The following RCHY1 variants were observed in gnomAD, a reference collection of about 807,000 sequenced individuals.
The protein encoded by RCHY1 is ring finger and CHY zinc finger domain containing 1.
A neutral mutation model predicts 41.6 loss-of-function variants in RCHY1; 21 were observed. The ratio of observed to expected loss-of-function variants is 0.51; its 90% CI spans 0.36 to 0.73. The LOEUF is 0.73. Among genes scored for constraint, RCHY1 ranks in the 30% least tolerant of loss-of-function variants. The pLI, the probability that RCHY1 is intolerant of heterozygous loss-of-function variation, is 0.00. For missense variants in RCHY1, 265 were observed against 325.3 expected (o/e 0.81, Z 1.43); for synonymous variants, 79 against 102.9 (o/e 0.77, Z 1.41).
At chr4:75,482,773 C>T (rs2148704262) in intron 8 of RCHY1, 107 bp from the exon 9 acceptor site, 4 of 713,942 alleles carry the variant, frequency 5.6e-6, no homozygotes, top group Non-Finnish European at 7.8e-6. Context: ...AAAATACATA[C>T]ATAAGTCTAA....
intron 3 of RCHY1, among the ~76,000 whole-genome samples, chr4:75,495,488 T>C (rs956170268): frequency 1.3e-5 from 2 of 152,030 alleles, no homozygotes; most frequent in African/African-American, 2.4e-5. Context: ...CCAACATACC[T>C]GGACGTTGGG....
chr4:75,504,802 A>T (rs1005411939), intron 3 of RCHY1, among the ~76,000 whole-genome samples: 1 of 152,214 alleles, frequency 6.6e-6, no homozygotes, highest in South Asian at 2.1e-4. Flanking sequence ...CAGTGAAGTT[A>T]ATTTTCACTA....
At position 75,490,681 on chromosome 4, in the gene RCHY1, C is replaced by T. The variant is rs779544795; in HGVS notation, c.557G>A (p.Cys186Tyr). The change falls in exon 8 of 9, where the codon TGT (cysteine) becomes TAT (tyrosine). Residue 186 changes from cysteine (C) to tyrosine (Y), a missense_variant. Cys to Tyr is a radical substitution (Grantham distance 194, BLOSUM62 -2). Transcript: ENST00000324439. The stretch of plus-strand genomic sequence containing the variant: ...GGTCATATCTAAAGCAGAGTGCATA[C>T]ATAATGGACATCTGTAGCCTCTGAA... ...MLKEGYRCPL[C>Y]MHSALDMTRY... 2.5e-6 allele frequency: 4 copies of T among 1,607,910 alleles called. No individual in the cohort carries two copies. In the African/African-American group the frequency reaches 4.0e-5, roughly 16 times the overall value.
At chr4:75,498,137 A>G (rs1723396496) in intron 3 of RCHY1, among the ~76,000 whole-genome samples, 1 of 151,278 alleles carries the variant, frequency 6.6e-6, no homozygotes, top group African/African-American at 2.4e-5. Context: ...AAAAAACCAG[A>G]AACAAAAGAG....
intron 3 of RCHY1, among the ~76,000 whole-genome samples, chr4:75,494,725 A>T (rs1162107618): frequency 6.6e-6 from 1 of 151,884 alleles, no homozygotes; most frequent in Non-Finnish European, 1.5e-5. Context: ...AAGTGAAACT[A>T]CTGAGTCAGA....
At chr4:75,488,452 G>T (rs1722451071) in intron 8 of RCHY1, among the ~76,000 whole-genome samples, 1 of 152,062 alleles carries the variant, frequency 6.6e-6, no homozygotes, top group Non-Finnish European at 1.5e-5. Flanking sequence ...ACAACTTTAG[G>T]ACTTGGACTG....
chr4:75,486,470 AAAT>A (rs1722014145), intron 8 of RCHY1, among the ~76,000 whole-genome samples: 1 of 151,910 alleles, frequency 6.6e-6, no homozygotes. Flanking sequence ...ATATCTTAAT[AAAT>A]AATAATTTAA....
upstream of RCHY1, chr4:75,514,546 T>A (rs1725373353): frequency 2.6e-6 from 1 of 380,982 alleles, no homozygotes; most frequent in South Asian, 7.7e-5. Flanking sequence ...TTGCCTGTTT[T>A]CCCCCAATCG....
rs572828703 is a variant in RCHY1, at chr4:75,504,584, G to A, written c.326+4236C>T. On this transcript the variant is annotated intron_variant, in intron 3 of 8. Coordinates refer to ENST00000324439, the MANE Select transcript of RCHY1 (RefSeq NM_015436.4). Reference sequence around the variant, plus strand: ...TTGATAAGACTTCCAGTCAGTAGCAGGCTATTAGTAGTTAAGTTGTGGGGA... The same window carrying A: ...TTGATAAGACTTCCAGTCAGTAGCAAGCTATTAGTAGTTAAGTTGTGGGGA... Among the ~76,000 whole-genome samples the A allele has an allele frequency of 1.2e-4, 19 of 152,276 alleles. No homozygotes were observed. The East Asian group carries it at 2.7e-3, about 22-fold the overall frequency.
At chr4:75,507,417 A>C (rs1006567890) in intron 3 of RCHY1, among the ~76,000 whole-genome samples, 1 of 152,048 alleles carries the variant, frequency 6.6e-6, no homozygotes, top group Non-Finnish European at 1.5e-5. Context: ...GATTAATCCA[A>C]AGAAGACAAG....
chr4:75,494,688 G>A (rs982410485), intron 3 of RCHY1, among the ~76,000 whole-genome samples: 3 of 151,736 alleles, frequency 2.0e-5, no homozygotes, highest in African/African-American at 7.3e-5. Context: ...TAGTTCACAT[G>A]TTGATTATTT....
At chr4:75,493,456 T>C (rs1303465808) in intron 4 of RCHY1, among the ~76,000 whole-genome samples, 1 of 151,924 alleles carries the variant, frequency 6.6e-6, no homozygotes, top group Non-Finnish European at 1.5e-5. Flanking sequence ...AATTAATGTC[T>C]ATCTGTCTCT....
At chr4:75,514,061 A>G in intron 1 of RCHY1, 136 bp downstream of exon 1, 1 of 1,384,788 alleles carries the variant, frequency 7.2e-7, no homozygotes, top group Non-Finnish European at 9.7e-7. Context: ...CTCAAGAAGA[A>G]CCCAGTTCCA....
intron 1 of RCHY1, among the ~76,000 whole-genome samples, chr4:75,510,928 A>C (rs1412437111): frequency 6.6e-6 from 1 of 152,188 alleles, no homozygotes; most frequent in Non-Finnish European, 1.5e-5. Context: ...GGCCTCACAC[A>C]AATATGTACA....
At chr4:75,483,212 C>G (rs1397520567) in intron 8 of RCHY1, among the ~76,000 whole-genome samples, 3 of 152,006 alleles carry the variant, frequency 2.0e-5, no homozygotes, top group Non-Finnish European at 4.4e-5. Flanking sequence ...CAATAAGATG[C>G]CGTTTAAGAA....
At chr4:75,483,742 C>T (rs184606030) in intron 8 of RCHY1, among the ~76,000 whole-genome samples, 123 of 152,166 alleles carry the variant, frequency 8.1e-4, no homozygotes, top group African/African-American at 2.8e-3. Flanking sequence ...ATGAAACACT[C>T]CAGTGTAAAT....
At chr4:75,497,527 G>A (rs1358196333) in intron 3 of RCHY1, among the ~76,000 whole-genome samples, 1 of 152,158 alleles carries the variant, frequency 6.6e-6, no homozygotes, top group Non-Finnish European at 1.5e-5. Flanking sequence ...AGGTTGGTCT[G>A]AACCTATTAT....
chr4:75,495,904 T>TAC (rs141649385), intron 3 of RCHY1, among the ~76,000 whole-genome samples: 12 of 152,118 alleles, frequency 7.9e-5, no homozygotes, highest in Non-Finnish European at 1.6e-4. Context: ...TCTGTGTATA[T>TAC]ACACACACAC....
chr4:75,483,213 C>T lies in RCHY1; in HGVS notation c.658-547G>A, dbSNP rs200337270. On this transcript the variant is annotated intron_variant, in intron 8 of 8. Transcript: ENST00000324439. ...CATCCCTACAATAACAATAAGATGC[C>T]GTTTAAGAATTAATTTCTTCTAGTG... Among the ~76,000 whole-genome samples the T allele has an allele frequency of 5.7e-4, 87 of 152,102 alleles. No individual in the cohort carries two copies. In the East Asian group the frequency reaches 0.011, roughly 20 times the overall value.
Sources: gnomAD v4.1 joint callset for allele counts (sites outside exome capture counted in the v4.1 genomes callset) on GRCh38, gnomAD v4.1.1 for gene constraint, MANE v1.5 for transcripts, NCBI Gene and HGNC (gene_info 2026-07-23, HGNC 2026-07-21) for gene names.